Variants in OXR1 observed in about 807,000 individuals in gnomAD.
The protein encoded by OXR1 is oxidation resistance protein 1.
OXR1 carries 41 observed loss-of-function variants against 104.6 expected under a neutral mutation model. That is an observed-to-expected ratio of 0.39 (90% CI 0.31 to 0.51). The LOEUF is 0.51. Ranked by LOEUF, OXR1 falls within the 20% of genes least tolerant of loss-of-function variation. The probability of loss-of-function intolerance (pLI) is 0.77; values close to 1 mark genes in which losing one functional copy is unlikely to be tolerated. For synonymous variants in OXR1, 348 were observed against 348.4 expected, an observed-to-expected ratio of 1.00 and a Z score of 0.01; for missense variants, 955 against 1,031.9, an observed-to-expected ratio of 0.93 and a Z score of 1.02.
intron 3 of OXR1, among the ~76,000 whole-genome samples, chr8:106,661,750 A>C (rs1419001605): frequency 6.6e-6 from 1 of 152,122 alleles, no homozygotes; most frequent in South Asian, 2.1e-4. Flanking sequence ...TTTTCTTTTC[A>C]TTTATTTTTA....
intron 3 of OXR1, among the ~76,000 whole-genome samples, chr8:106,622,739 C>G (rs544908688): frequency 6.6e-6 from 1 of 152,320 alleles, no homozygotes; most frequent in Non-Finnish European, 1.5e-5. Flanking sequence ...TGCCCATCAA[C>G]AGTTCACATA....
chr8:106,651,018 A>G (rs1228560202), intron 3 of OXR1, among the ~76,000 whole-genome samples: 2 of 152,202 alleles, frequency 1.3e-5, no homozygotes, highest in Non-Finnish European at 2.9e-5. Flanking sequence ...GCATCATTTC[A>G]TACATCAGTA....
intron 2 of OXR1, among the ~76,000 whole-genome samples, chr8:106,392,447 A>T (rs1257880233): frequency 6.6e-6 from 1 of 151,956 alleles, no homozygotes; most frequent in Non-Finnish European, 1.5e-5. Flanking sequence ...AGACAAGAGA[A>T]TTTTTTTTCC....
intron 3 of OXR1, among the ~76,000 whole-genome samples, chr8:106,555,928 G>GTATATATA (rs371162000): frequency 0.055 from 7,784 of 142,386 alleles, 347 homozygotes; most frequent in African/African-American, 0.11. Context: ...GTATATATAT[G>GTATATATA]TACATATATA....
intron 1 of OXR1, among the ~76,000 whole-genome samples, chr8:106,315,659 A>G (rs1175428655): frequency 6.6e-6 from 1 of 152,236 alleles, no homozygotes; most frequent in Non-Finnish European, 1.5e-5. Context: ...ATACTGGGTG[A>G]TGCAGCAAAG....
intron 2 of OXR1, among the ~76,000 whole-genome samples, chr8:106,476,477 C>T (rs1821815984): frequency 6.6e-6 from 1 of 151,868 alleles, no homozygotes; most frequent in African/African-American, 2.4e-5. Flanking sequence ...AAAGGCAGTC[C>T]TGATTATAAA....
chr8:106,521,950 A>C (rs1426240180), intron 3 of OXR1, among the ~76,000 whole-genome samples: 1 of 152,176 alleles, frequency 6.6e-6, no homozygotes, highest in Non-Finnish European at 1.5e-5. Context: ...GATATTTTTC[A>C]ATATCTCAGT....
chr8:106,501,684 TC>T (rs1474090583), intron 2 of OXR1, among the ~76,000 whole-genome samples: 1 of 152,160 alleles, frequency 6.6e-6, no homozygotes, highest in Non-Finnish European at 1.5e-5. Flanking sequence ...CAAAATCCTT[TC>T]CATGTAAATA....
intron 14 of OXR1, among the ~76,000 whole-genome samples, chr8:106,741,592 T>C (rs2131578542): frequency 6.6e-6 from 1 of 152,248 alleles, no homozygotes; most frequent in East Asian, 1.9e-4. Context: ...GGATAGACAG[T>C]GACTGTACAG....
At chr8:106,532,883 T>C (rs1814199648) in intron 3 of OXR1, among the ~76,000 whole-genome samples, 1 of 152,242 alleles carries the variant, frequency 6.6e-6, no homozygotes, top group African/African-American at 2.4e-5. Flanking sequence ...ACATTGAATT[T>C]AAAATAACCT....
At position 106,703,020 on chromosome 8, in the gene OXR1, A is replaced by G. The variant is rs754914257; in HGVS notation, c.790A>G (p.Met264Val). 2.3e-5 allele frequency: 37 copies of G among 1,613,750 alleles called. No homozygotes were observed. In the South Asian group the frequency reaches 2.4e-4, roughly 11 times the overall value. ...TGAGGAATATGGCATCATGTGTCCA[A>G]TGGAAGAGGTGATGTCAGCTGCAAT... ...GCEEYGIMCP[M>V]EEVMSAAMYK... is the part of the protein sequence containing the mutation. The change falls in exon 8 of 17, where the codon ATG becomes GTG. Residue 264 changes from methionine (M) to valine (V), a missense_variant. By Grantham distance (21) the Met-to-Val change is conservative. Around this residue, in one of 2 missense-constraint regions of OXR1, gnomAD observed 849 missense variants for 852.9 expected, o/e 1.00. Transcript: ENST00000517566.
chr8:106,278,108 A>G (rs895441148), intron 1 of OXR1, among the ~76,000 whole-genome samples: 2 of 152,326 alleles, frequency 1.3e-5, no homozygotes, highest in African/African-American at 2.4e-5. Flanking sequence ...ATTACTGAAT[A>G]TGTGTTTCCA....
intron 3 of OXR1, among the ~76,000 whole-genome samples, chr8:106,586,967 T>C (rs892006034): frequency 1.3e-5 from 2 of 152,106 alleles, no homozygotes; most frequent in African/African-American, 4.8e-5. Context: ...TTAGGGAAAA[T>C]TTCTAGGATT....
intron 3 of OXR1, among the ~76,000 whole-genome samples, chr8:106,622,138 TCTTA>T (rs1252573601): frequency 6.6e-6 from 1 of 152,174 alleles, no homozygotes; most frequent in Middle Eastern, 3.2e-3. Flanking sequence ...GCCTTCTCTT[TCTTA>T]CTGACCCTGC....
At chr8:106,737,297 C>T (rs761486232) in intron 11 of OXR1, among the ~76,000 whole-genome samples, 23 of 152,016 alleles carry the variant, frequency 1.5e-4, no homozygotes, top group Non-Finnish European at 2.2e-4. Context: ...TAAAATAAAC[C>T]TTACATACCA....
intron 2 of OXR1, among the ~76,000 whole-genome samples, chr8:106,495,712 T>G (rs1811369870): frequency 6.6e-6 from 1 of 152,152 alleles, no homozygotes; most frequent in Non-Finnish European, 1.5e-5. Context: ...GATGATAACT[T>G]CAAATATTAA....
chr8:106,686,164 T>C (rs1033626864), intron 6 of OXR1, among the ~76,000 whole-genome samples: 2 of 152,006 alleles, frequency 1.3e-5, no homozygotes, highest in Non-Finnish European at 2.9e-5. Context: ...GGATTACACA[T>C]TGGGTACAGT....
intron 3 of OXR1, among the ~76,000 whole-genome samples, chr8:106,522,303 C>T (rs185429936): frequency 1.3e-5 from 2 of 152,272 alleles, no homozygotes; most frequent in Admixed American, 6.5e-5. Flanking sequence ...TGCATATAAC[C>T]TATGCACATG....
intron 2 of OXR1, among the ~76,000 whole-genome samples, chr8:106,412,836 A>T (rs1010345328): frequency 6.6e-6 from 1 of 152,120 alleles, no homozygotes; most frequent in African/African-American, 2.4e-5. Context: ...TTTTCCTTAA[A>T]AAAGATGTAT....
Sources: gnomAD v4.1 joint callset for allele counts (sites outside exome capture counted in the v4.1 genomes callset) on GRCh38, gnomAD v4.1.1 for gene constraint, gnomAD v4.1.1 regional missense constraint, MANE v1.5 for transcripts, NCBI Gene and HGNC (gene_info 2026-07-23, HGNC 2026-07-21) for gene names.